LAMC1: variants seen among roughly 807,000 people sequenced by gnomAD.
LAMC1 encodes the protein laminin subunit gamma-1.
LAMC1 carries 38 observed loss-of-function variants against 173.6 expected under a neutral mutation model. The observed-to-expected ratio is 0.22, with a 90% CI of 0.17 to 0.29. The LOEUF (loss-of-function observed/expected upper bound fraction) is 0.29. LAMC1 is among the 10% of genes least tolerant of loss of function. The pLI is 1.00. For missense variants in LAMC1, 1,824 were observed against 2,051.8 expected (o/e 0.89, Z 2.14); for synonymous variants, 746 against 749.1 (o/e 1.00, Z 0.07).
chr1:183,131,147 C>T, intron 19 of LAMC1, 152 bp from the exon 20 acceptor site: 2 of 598,774 alleles, frequency 3.3e-6, no homozygotes, highest in East Asian at 2.8e-5. Context: ...GCCCTTCTGC[C>T]TGGGCAACAA....
intron 4 of LAMC1, among the ~76,000 whole-genome samples, 160 bp from the exon 5 acceptor site, chr1:183,114,371 T>C (rs1403593148): frequency 2.0e-5 from 3 of 152,172 alleles, no homozygotes; most frequent in Non-Finnish European, 4.4e-5. Flanking sequence ...GCACCTGACC[T>C]TCTTGTTGTT....
intron 1 of LAMC1, among the ~76,000 whole-genome samples, chr1:183,082,207 A>G (rs1425333617): frequency 6.6e-6 from 1 of 152,210 alleles, no homozygotes; most frequent in Non-Finnish European, 1.5e-5. Flanking sequence ...ATCTGTATAC[A>G]TATTTTTGTG....
intron 1 of LAMC1, among the ~76,000 whole-genome samples, chr1:183,090,302 T>C (rs1655533727): frequency 6.6e-6 from 1 of 152,034 alleles, no homozygotes; most frequent in South Asian, 2.1e-4. Context: ...GGGGATTACA[T>C]ACATTTTAGC....
intron 1 of LAMC1, among the ~76,000 whole-genome samples, chr1:183,102,135 C>T (rs1205734686): frequency 6.6e-6 from 1 of 152,076 alleles, no homozygotes; most frequent in Non-Finnish European, 1.5e-5. Flanking sequence ...AGAGACAAAG[C>T]GGGGTCCAGG....
intron 1 of LAMC1, among the ~76,000 whole-genome samples, chr1:183,102,594 A>T (rs1655863353): frequency 6.6e-6 from 1 of 152,206 alleles, no homozygotes; most frequent in Non-Finnish European, 1.5e-5. Flanking sequence ...TTTGCAGGGA[A>T]CTGTCTGCCC....
intron 4 of LAMC1, among the ~76,000 whole-genome samples, chr1:183,114,050 G>T (rs1313667209): frequency 6.6e-6 from 1 of 151,968 alleles, no homozygotes; most frequent in Admixed American, 6.5e-5. Context: ...ATCCTGTTGG[G>T]TTTTGTTGGT....
In LAMC1 at chr1:183,142,575, G is replaced by A. The variant is rs1399343540; in HGVS notation, c.4615G>A (p.Glu1539Lys). ...TVDLNKLNEI[E>K]GTLNKAKDEM... ...GGACCTGAATAAGCTAAACGAGATT[G>A]AAGGCACCCTAAACAAAGCCAAAGA... The change falls in exon 28 of 28, where the codon GAA (glutamate) becomes AAA (lysine). Residue 1539 changes from glutamate (E) to lysine (K), a missense_variant. Glu to Lys is a moderately conservative substitution (Grantham distance 56). Transcript: ENST00000258341. 3.7e-6 allele frequency: 6 copies of A among 1,613,778 alleles called. No individual in the cohort carries two copies. Among genetic ancestry groups the A allele is most frequent in the Non-Finnish European group, 5.1e-6 (6 of 1,179,906 alleles).
chr1:183,067,148 A>G (rs887072260), intron 1 of LAMC1, among the ~76,000 whole-genome samples: 6 of 152,174 alleles, frequency 3.9e-5, no homozygotes, highest in African/African-American at 1.4e-4. Flanking sequence ...AAGGAACAAT[A>G]TTTTCTAGAA....
intron 4 of LAMC1, among the ~76,000 whole-genome samples, chr1:183,112,628 G>A (rs956112716): frequency 1.3e-5 from 2 of 152,188 alleles, no homozygotes; most frequent in Admixed American, 6.5e-5. Flanking sequence ...TGCTTTAGCT[G>A]TAGGTTGGGA....
chr1:183,055,751 G>T (rs1205990323), intron 1 of LAMC1, among the ~76,000 whole-genome samples: 3 of 152,082 alleles, frequency 2.0e-5, no homozygotes, highest in African/African-American at 7.2e-5. Flanking sequence ...GGCAGAGATT[G>T]CAGTGAACTG....
intron 11 of LAMC1, among the ~76,000 whole-genome samples, chr1:183,120,631 C>CT (rs1393296941): frequency 6.6e-6 from 1 of 152,162 alleles, no homozygotes; most frequent in African/African-American, 2.4e-5. Flanking sequence ...TTACTGAGGC[C>CT]TATACCTCTC....
rs1365800711 is a variant in LAMC1, at chr1:183,144,313, A to T, written c.*1523A>T. The T allele has an allele frequency of 6.6e-6, 1 of 152,602 alleles. No individual in the cohort carries two copies. The highest frequency in any genetic ancestry group is 2.4e-5 in the African/African-American group (1 of 41,424). 9.5% of individuals were successfully genotyped at this position (152,602 alleles called of 1,614,324 possible). A position where few individuals can be genotyped will look rare whatever the true frequency, so the allele number is the denominator to read the frequency against. Reference sequence around the variant, plus strand: ...GTGAATGTTTTGTGTTTTGTTTATCATGATTATAGAATAAGGAATTTATGT... The same window carrying T: ...GTGAATGTTTTGTGTTTTGTTTATCTTGATTATAGAATAAGGAATTTATGT... On this transcript the variant is annotated 3_prime_UTR_variant, in exon 28 of 28. Transcript: ENST00000258341.
intron 1 of LAMC1, among the ~76,000 whole-genome samples, chr1:183,043,883 A>G (rs1007653167): frequency 3.9e-5 from 6 of 152,134 alleles, no homozygotes; most frequent in African/African-American, 1.4e-4. Context: ...TTCATTTGAG[A>G]TACATTTTGA....
intron 1 of LAMC1, among the ~76,000 whole-genome samples, chr1:183,094,327 C>CT (rs1655640349): frequency 6.6e-6 from 1 of 152,188 alleles, no homozygotes; most frequent in South Asian, 2.1e-4. Context: ...GTCATGAGAC[C>CT]ATCTCTGATA....
chr1:183,074,417 A>G (rs973631758), intron 1 of LAMC1, among the ~76,000 whole-genome samples: 12 of 152,228 alleles, frequency 7.9e-5, no homozygotes, highest in African/African-American at 2.7e-4. Flanking sequence ...TTGGACATGA[A>G]TAGAAGACAA....
At position 183,143,327 on chromosome 1, in the gene LAMC1, T is replaced by A. The variant is rs1312302879; in HGVS notation, c.*537T>A. ...AAATAAACATCCTGTGCCAAAGGTA[T>A]TGGTCATTTAGAATGTCGGTAGCCA... On this transcript the variant is annotated 3_prime_UTR_variant, in exon 28 of 28. Transcript: ENST00000258341. The A allele has an allele frequency of 1.9e-5, 3 of 155,108 alleles. No individual in the cohort carries two copies. Among genetic ancestry groups the A allele is most frequent in the African/African-American group, 7.2e-5 (3 of 41,454 alleles). The allele number at this position is 155,108 out of a possible 1,614,324, so 9.6% of individuals were successfully genotyped here.
chr1:183,106,931 C>T (rs1331250827), intron 2 of LAMC1, among the ~76,000 whole-genome samples: 1 of 152,186 alleles, frequency 6.6e-6, no homozygotes, highest in Non-Finnish European at 1.5e-5. Context: ...ACCAGTCACA[C>T]ACCCAAGCCT....
At chr1:183,084,972 C>T (rs1442444571) in intron 1 of LAMC1, among the ~76,000 whole-genome samples, 1 of 152,136 alleles carries the variant, frequency 6.6e-6, no homozygotes, top group Non-Finnish European at 1.5e-5. Context: ...TGGTGGCTCA[C>T]GCCTGTAATC....
Position 183,023,788 on chromosome 1 carries a change from G to A in LAMC1, c.72G>A (p.Leu24=), listed in dbSNP as rs766206409. The change falls in exon 1 of 28, where the codon CTG becomes CTA. Residue 24 remains leucine (L), a synonymous_variant. Coordinates refer to ENST00000258341, the MANE Select transcript of LAMC1 (RefSeq NM_002293.4). ...RGRLWPVLAV[L]AAAAAAGCAQ... is the part of the protein sequence containing the mutation. Reference sequence around the variant, plus strand: ...GGCTCTGGCCCGTGCTGGCCGTGCTGGCGGCGGCCGCCGCGGCGGGCTGTG... The same window carrying A: ...GGCTCTGGCCCGTGCTGGCCGTGCTAGCGGCGGCCGCCGCGGCGGGCTGTG... 1 of 1,483,070 alleles carries A rather than the reference G, an allele frequency of 6.7e-7. No individual in the cohort carries two copies. The highest frequency in any genetic ancestry group is 8.9e-7 in the Non-Finnish European group (1 of 1,117,916). 91.9% of individuals were successfully genotyped at this position (1,483,070 alleles called of 1,614,324 possible).
Sources: allele counts gnomAD v4.1 joint callset (sites outside exome capture counted in the v4.1 genomes callset), GRCh38; gene constraint gnomAD v4.1.1; transcripts MANE v1.5; gene names NCBI Gene and HGNC (gene_info 2026-07-23, HGNC 2026-07-21).